The following VPS13C variants were observed in gnomAD, a reference collection of about 807,000 sequenced individuals.
VPS13C encodes vacuolar protein sorting 13 homolog C, also known as intermembrane lipid transfer protein VPS13C.
VPS13C carries 358 observed loss-of-function variants against 456.8 expected under a neutral mutation model. That is an observed-to-expected ratio of 0.78 (90% CI 0.72 to 0.86). The LOEUF is 0.86. Among genes scored for constraint, VPS13C ranks in the 40% least tolerant of loss-of-function variants. The pLI, the probability that VPS13C is intolerant of heterozygous loss-of-function variation, is 0.00. For synonymous variants in VPS13C, 1,578 were observed against 1,486.7 expected (o/e 1.06, Z -1.41); for missense variants, 4,818 against 4,385.4 (o/e 1.10, Z -2.79).
chr15:62,042,452 G>A (rs759448424), intron 2 of VPS13C, among the ~76,000 whole-genome samples: 2 of 151,870 alleles, frequency 1.3e-5, no homozygotes, highest in Non-Finnish European at 2.9e-5. Context: ...ATCTGATTAC[G>A]TCTGAATGCT....
intron 5 of VPS13C, among the ~76,000 whole-genome samples, chr15:62,031,149 T>G (rs941011214): frequency 1.3e-5 from 2 of 152,222 alleles, no homozygotes; most frequent in African/African-American, 4.8e-5. Flanking sequence ...TCAATTTTAT[T>G]TTATTCCTAT....
At chr15:61,980,826 T>C (rs2045862013) in intron 22 of VPS13C, among the ~76,000 whole-genome samples, 1 of 152,138 alleles carries the variant, frequency 6.6e-6, no homozygotes, top group African/African-American at 2.4e-5. Flanking sequence ...TTATGTTTTT[T>C]TATTTTTATC....
intron 5 of VPS13C, among the ~76,000 whole-genome samples, chr15:62,032,543 T>C (rs1363815891): frequency 6.6e-6 from 1 of 151,802 alleles, no homozygotes; most frequent in East Asian, 1.9e-4. Flanking sequence ...TTTAAAACTT[T>C]GATTAAAAAT....
intron 16 of VPS13C, among the ~76,000 whole-genome samples, chr15:61,996,428 A>G (rs550889269): frequency 6.6e-6 from 1 of 152,346 alleles, no homozygotes; most frequent in East Asian, 1.9e-4. Flanking sequence ...AGATTATATA[A>G]TAATCACAAT....
chr15:61,969,996 T>A (rs563749462), intron 27 of VPS13C, among the ~76,000 whole-genome samples: 2 of 151,984 alleles, frequency 1.3e-5, no homozygotes, highest in East Asian at 3.9e-4. Flanking sequence ...AATGCTTAAA[T>A]CAATATAGTA....
chr15:61,973,648 C>A (rs2080758816), intron 25 of VPS13C, 116 bp from the exon 26 acceptor site: 1 of 722,422 alleles, frequency 1.4e-6, no homozygotes, highest in Non-Finnish European at 2.4e-6. Context: ...AAGACACATA[C>A]ACACAATATA....
At chr15:61,999,778 T>A (rs1160801079) in intron 16 of VPS13C, among the ~76,000 whole-genome samples, 3 of 150,896 alleles carry the variant, frequency 2.0e-5, no homozygotes, top group Admixed American at 2.0e-4. Context: ...GTAGATCATT[T>A]CCAATTTCAG....
intron 66 of VPS13C, among the ~76,000 whole-genome samples, chr15:61,895,078 T>G (rs1293848963): frequency 2.0e-5 from 3 of 151,958 alleles, no homozygotes; most frequent in African/African-American, 7.3e-5. Context: ...ATTTGTAAAG[T>G]ATAAAAACAC....
chr15:61,952,967 T>A (rs1321915852), intron 38 of VPS13C, among the ~76,000 whole-genome samples: 1 of 151,992 alleles, frequency 6.6e-6, no homozygotes, highest in Non-Finnish European at 1.5e-5. Flanking sequence ...CAAGCGATCC[T>A]CCAGTCTTGG....
chr15:62,039,041 G>C (rs1173920845), intron 3 of VPS13C, among the ~76,000 whole-genome samples: 1 of 152,086 alleles, frequency 6.6e-6, no homozygotes, highest in African/African-American at 2.4e-5. Flanking sequence ...AAACAGTACG[G>C]AGATATCTCA....
At position 61,867,678 on chromosome 15, in the gene VPS13C, C is replaced by A. The variant is rs945053979; in HGVS notation, c.10863+981G>T. 3.0e-5 allele frequency: 39 copies of A among 1,290,650 alleles called. No homozygotes were observed. In the African/African-American group the frequency reaches 5.9e-4, roughly 20 times the overall value. The allele number at this position is 1,290,650 out of a possible 1,614,324, so 79.9% of individuals were successfully genotyped here. A position where few individuals can be genotyped will look rare whatever the true frequency, so the allele number is the denominator to read the frequency against. ...AATAAAGGCTTTCATCTATTAAACG[C>A]AGAAGAGAGCTGATTCTCTGCATCC... On this transcript the variant is annotated intron_variant, in intron 81 of 84. Coordinates refer to ENST00000644861, the MANE Select transcript of VPS13C (RefSeq NM_020821.3). This position sits in a 1 kb window ranked among gnomAD's most constrained non-coding sequence, Gnocchi z 5.0.
chr15:62,029,419 A>T (rs900967467), intron 5 of VPS13C, among the ~76,000 whole-genome samples: 1 of 152,052 alleles, frequency 6.6e-6, no homozygotes, highest in Admixed American at 6.6e-5. Flanking sequence ...CTGTTAGCTG[A>T]TCCCACAGAT....
rs757425964 is a variant in VPS13C, at chr15:61,880,720, T to C, written c.9891A>G (p.Thr3297=). The C allele has an allele frequency of 7.6e-6, 12 of 1,569,702 alleles. No individual in the cohort carries two copies. Among genetic ancestry groups the C allele is most frequent in the Middle Eastern group, 1.7e-4 (1 of 5,918 alleles). The change falls in exon 73 of 85, where the codon ACA becomes ACG. Residue 3297 remains threonine, a splice_region_variant and synonymous_variant. Transcript: ENST00000644861. ...CATCAATATCTTGTTGGATTAACTTTGTCTGAAAAAAATAAAATCAAGAAT... is the reference window on the plus strand; with the variant it reads ...CATCAATATCTTGTTGGATTAACTTCGTCTGAAAAAAATAAAATCAAGAAT... ...TTDPEAERRR[T]KLIQQDIDAL...
intron 68 of VPS13C, among the ~76,000 whole-genome samples, chr15:61,883,098 C>T (rs1051182325): frequency 2.6e-5 from 4 of 151,998 alleles, no homozygotes; most frequent in Admixed American, 2.0e-4. Flanking sequence ...TCACAGCTCA[C>T]TGCAGCCTCA....
intron 8 of VPS13C, among the ~76,000 whole-genome samples, chr15:62,022,386 A>G (rs2047494647): frequency 6.6e-6 from 1 of 151,942 alleles, no homozygotes; most frequent in African/African-American, 2.4e-5. Flanking sequence ...CATTCCCACC[A>G]ACATTGTACC....
Position 61,853,063 on chromosome 15 carries a change from A to T in VPS13C, c.*1394T>A, listed in dbSNP as rs1159066824. 1 of 152,128 alleles carries T rather than the reference A, an allele frequency of 6.6e-6. No homozygotes were observed. 9.4% of individuals were successfully genotyped at this position (152,128 alleles called of 1,614,324 possible). ...CCAAAAAACTTACATATTTTTGAGT[A>T]TTTTTTAAAGTTTTAATAGTTTATC... is the stretch of plus-strand genomic sequence containing the variant. On this transcript the variant is annotated 3_prime_UTR_variant, in exon 85 of 85. Transcript: ENST00000644861.
At position 61,929,593 on chromosome 15, in the gene VPS13C, A is replaced by G; in HGVS notation, c.6194T>C (p.Ile2065Thr). 1.9e-6 allele frequency: 3 copies of G among 1,614,082 alleles called. No homozygotes were observed. The highest frequency in any genetic ancestry group is 2.5e-6 in the Non-Finnish European group (3 of 1,179,986). ...TTCTGGACTCTGAGGCACAGCTTTG[A>G]TAAAGAAATCTGCCACAGTCATCAG... ...EFLMTVADFF[I>T]KAVPQSPENV... The change falls in exon 51 of 85, where the codon ATC becomes ACC. Residue 2065 changes from isoleucine (I) to threonine (T), a missense_variant. Ile to Thr is a moderately conservative substitution (Grantham distance 89). Transcript: ENST00000644861.
At chr15:61,925,122 C>T (rs2140198845) in intron 53 of VPS13C, among the ~76,000 whole-genome samples, 1 of 151,974 alleles carries the variant, frequency 6.6e-6, no homozygotes, top group South Asian at 2.1e-4. Context: ...GTAATAACAA[C>T]CTCTTCTCTC....
At chr15:62,056,241 C>T (rs535003497) in intron 1 of VPS13C, among the ~76,000 whole-genome samples, 2 of 152,126 alleles carry the variant, frequency 1.3e-5, no homozygotes, top group African/African-American at 2.4e-5. Context: ...ATAGTTATAC[C>T]ATATAGATCT....
Sources: gnomAD v4.1 joint callset for allele counts (sites outside exome capture counted in the v4.1 genomes callset) on GRCh38, gnomAD v4.1.1 for gene constraint, Gnocchi (gnomAD v3.1) non-coding constraint, MANE v1.5 for transcripts, NCBI Gene and HGNC (gene_info 2026-07-23, HGNC 2026-07-21) for gene names.